The following NPFFR2 variants were observed in gnomAD, a reference collection of about 807,000 sequenced individuals.
NPFFR2 encodes the protein neuropeptide FF receptor 2, also known as G-protein coupled receptor 74.
In NPFFR2, 15 loss-of-function variants were observed where a neutral mutation model predicts 13.1. The observed-to-expected ratio is 1.15, with a 90% CI of 0.77 to 1.76. The LOEUF (loss-of-function observed/expected upper bound fraction) is 1.76, where lower values mean the gene tolerates loss of function less well. NPFFR2 is among the 40% of genes most tolerant of loss of function. NPFFR2 has a pLI of 0.00. For missense variants in NPFFR2, 572 were observed against 503.5 expected, an observed-to-expected ratio of 1.14 and a Z score of -1.30; for synonymous variants, 190 against 175.7, an observed-to-expected ratio of 1.08 and a Z score of -0.65.
At chr4:72,057,203 T>G (rs996249762) in intron 1 of NPFFR2, among the ~76,000 whole-genome samples, 4 of 17,010 alleles carry the variant, frequency 2.4e-4, no homozygotes, top group Non-Finnish European at 6.4e-4. Flanking sequence ...ATCATCATCA[T>G]CATTGACTCA....
chr4:72,080,431 G>A (rs1720582605), intron 1 of NPFFR2, among the ~76,000 whole-genome samples: 1 of 152,052 alleles, frequency 6.6e-6, no homozygotes, highest in African/African-American at 2.4e-5. Context: ...CCAAAGTGCT[G>A]GATTACAGGT....
intron 2 of NPFFR2, among the ~76,000 whole-genome samples, chr4:72,132,192 C>A (rs7679840): frequency 1.3e-5 from 2 of 151,456 alleles, no homozygotes; most frequent in Admixed American, 6.6e-5. Flanking sequence ...GGCCCCAGTA[C>A]GTGTCGTTCC....
chr4:72,092,178 T>C (rs1720932948), intron 1 of NPFFR2, among the ~76,000 whole-genome samples: 1 of 152,070 alleles, frequency 6.6e-6, no homozygotes, highest in South Asian at 2.1e-4. Flanking sequence ...TTTCCAATTG[T>C]ATTCCACTAT....
chr4:72,111,631 T>C (rs1721569923), intron 1 of NPFFR2, among the ~76,000 whole-genome samples: 1 of 152,022 alleles, frequency 6.6e-6, no homozygotes, highest in African/African-American at 2.4e-5. Flanking sequence ...TTGTTTACAA[T>C]TTATTCTAGG....
chr4:72,068,601 A>G (rs1410693611), intron 1 of NPFFR2, among the ~76,000 whole-genome samples: 1 of 152,192 alleles, frequency 6.6e-6, no homozygotes, highest in Non-Finnish European at 1.5e-5. Flanking sequence ...TTGTGCCTAG[A>G]ACAGACAGTG....
intron 1 of NPFFR2, among the ~76,000 whole-genome samples, chr4:72,035,476 T>G (rs1305000968): frequency 6.8e-6 from 1 of 147,952 alleles, no homozygotes; most frequent in Non-Finnish European, 1.5e-5. Context: ...GAATGCCTCC[T>G]TGGTATCTTT....
At chr4:72,049,601 A>G (rs1719481962) in intron 1 of NPFFR2, among the ~76,000 whole-genome samples, 1 of 152,096 alleles carries the variant, frequency 6.6e-6, no homozygotes, top group African/African-American at 2.4e-5. Flanking sequence ...AGCCTTGAGT[A>G]TGATATGATT....
intron 1 of NPFFR2, among the ~76,000 whole-genome samples, chr4:72,097,441 A>G (rs1333470782): frequency 6.6e-6 from 1 of 151,992 alleles, no homozygotes; most frequent in Non-Finnish European, 1.5e-5. Flanking sequence ...CTCAATTCTA[A>G]TCTATTGTGA....
intron 1 of NPFFR2, among the ~76,000 whole-genome samples, chr4:72,092,190 G>A (rs1410846708): frequency 6.6e-6 from 1 of 151,960 alleles, no homozygotes; most frequent in Non-Finnish European, 1.5e-5. Flanking sequence ...TTCCACTATG[G>A]TCTGCGAGAG....
intron 1 of NPFFR2, among the ~76,000 whole-genome samples, chr4:72,111,553 C>A (rs1263245882): frequency 6.6e-6 from 1 of 151,936 alleles, no homozygotes; most frequent in African/African-American, 2.4e-5. Context: ...TAATGGGAAC[C>A]AATAATCATA....
chr4:72,093,780 G>T (rs1417639451), intron 1 of NPFFR2, among the ~76,000 whole-genome samples: 3 of 146,210 alleles, frequency 2.1e-5, no homozygotes, highest in African/African-American at 5.0e-5. Context: ...ACCTTTCTTT[G>T]GTGCCTCTTG....
intron 1 of NPFFR2, among the ~76,000 whole-genome samples, chr4:72,081,884 C>T (rs1720634404): frequency 6.6e-6 from 1 of 152,106 alleles, no homozygotes; most frequent in Non-Finnish European, 1.5e-5. Context: ...AGGGAATTTC[C>T]TTGAAAAACA....
chr4:72,105,387 G>A (rs569224580), intron 1 of NPFFR2, among the ~76,000 whole-genome samples: 16 of 152,080 alleles, frequency 1.1e-4, no homozygotes, highest in African/African-American at 3.1e-4. Context: ...CTTATTGCTA[G>A]CTGGAAATTT....
rs756659620 is a variant in NPFFR2 at position 72,128,822 on chromosome 4, C to G, written c.231C>G (p.His77Gln). 1 of 1,614,004 alleles carries G rather than the reference C, an allele frequency of 6.2e-7. No individual in the cohort carries two copies. Among genetic ancestry groups the G allele is most frequent in the East Asian group, 2.2e-5 (1 of 44,862 alleles). The change falls in exon 2 of 4, where the codon CAC becomes CAG. Residue 77 changes from histidine to glutamine, a missense_variant. Transcript: ENST00000308744. ...TTGTAATGAGGAACAAACATATGCA[C>G]ACAGTCACTAATCTCTTCATCTTAA... ...CFIVMRNKHM[H>Q]TVTNLFILNL...
chr4:72,117,107 A>G (rs914061082), intron 1 of NPFFR2, among the ~76,000 whole-genome samples: 1 of 152,062 alleles, frequency 6.6e-6, no homozygotes, highest in Non-Finnish European at 1.5e-5. Context: ...ACCCTGACCC[A>G]GTTCTATGCC....
At chr4:72,072,853 A>G (rs982119217) in intron 1 of NPFFR2, among the ~76,000 whole-genome samples, 5 of 152,148 alleles carry the variant, frequency 3.3e-5, no homozygotes, top group African/African-American at 1.2e-4. Context: ...AAGGATCTCA[A>G]TACTATTATC....
At chr4:72,120,587 GC>G (rs1721842721) in intron 1 of NPFFR2, among the ~76,000 whole-genome samples, 1 of 152,212 alleles carries the variant, frequency 6.6e-6, no homozygotes, top group African/African-American at 2.4e-5. Context: ...CTGTTCTGCA[GC>G]CTCTGCTGGT....
At chr4:72,096,706 T>A (rs1721084163) in intron 1 of NPFFR2, among the ~76,000 whole-genome samples, 1 of 152,144 alleles carries the variant, frequency 6.6e-6, no homozygotes, top group Non-Finnish European at 1.5e-5. Flanking sequence ...CTTACTTATA[T>A]ACACTAGATA....
chr4:72,056,951 A>G (rs1719766713), intron 1 of NPFFR2, among the ~76,000 whole-genome samples: 1 of 151,884 alleles, frequency 6.6e-6, no homozygotes, highest in African/African-American at 2.4e-5. Context: ...TGTTTTTTAG[A>G]GGGAATCTAC....
Sources: allele counts gnomAD v4.1 joint callset (sites outside exome capture counted in the v4.1 genomes callset), GRCh38; gene constraint gnomAD v4.1.1; transcripts MANE v1.5; gene names NCBI Gene and HGNC (gene_info 2026-07-23, HGNC 2026-07-21).